RAP1GAP2: variants seen among roughly 807,000 people sequenced by gnomAD.
RAP1GAP2 encodes the protein rap1 GTPase-activating protein 2.
Under a neutral mutation model 95.0 loss-of-function variants are expected in RAP1GAP2, and 27 were observed. That is an observed-to-expected ratio of 0.28 (90% confidence interval 0.21 to 0.39). The LOEUF is 0.39. Ranked by LOEUF, RAP1GAP2 falls within the 10% of genes least tolerant of loss-of-function variation. The pLI is 1.00. For synonymous variants in RAP1GAP2, 373 were observed against 380.9 expected, an observed-to-expected ratio of 0.98 and a Z score of 0.24; for missense variants, 771 against 970.0, an observed-to-expected ratio of 0.79 and a Z score of 2.72.
intron 10 of RAP1GAP2, 32 bp from the exon 11 acceptor site, chr17:2,984,951 G>A: frequency 6.2e-7 from 1 of 1,601,588 alleles, no homozygotes; most frequent in Non-Finnish European, 8.5e-7. Flanking sequence ...TTTAACAAAT[G>A]TTGATTTTTT....
rs118151123 is a variant in RAP1GAP2 at position 2,798,243 on chromosome 17, C to T, written c.44+1672C>T. Among the ~76,000 whole-genome samples, 994 of 152,286 alleles carry T rather than the reference C, an allele frequency of 6.5e-3. 5 individuals are homozygous for T. Among genetic ancestry groups the T allele is most frequent in the Middle Eastern group, 0.014 (4 of 294 alleles). ...AGGAAGAGCCCTAGGATGTCCCAGACGCCCTTGTGTGCTGGCTCAGTGTCC... is the reference window on the plus strand; with the variant it reads ...AGGAAGAGCCCTAGGATGTCCCAGATGCCCTTGTGTGCTGGCTCAGTGTCC... On this transcript the variant is annotated intron_variant, in intron 1 of 24. Coordinates refer to ENST00000254695, the MANE Select transcript of RAP1GAP2 (RefSeq NM_015085.5).
chr17:2,812,666 A>G (rs941749623), intron 2 of RAP1GAP2, among the ~76,000 whole-genome samples: 1 of 151,912 alleles, frequency 6.6e-6, no homozygotes, highest in African/African-American at 2.4e-5. Context: ...ACTTTTCTAC[A>G]ATTTGGTTTC....
intron 1 of RAP1GAP2, among the ~76,000 whole-genome samples, chr17:2,765,203 C>G (rs548767465): frequency 1.3e-5 from 2 of 152,304 alleles, no homozygotes; most frequent in African/African-American, 4.8e-5. Context: ...ACAGATGGCT[C>G]CGCAGCCAGC....
chr17:2,887,038 A>G (rs1360879748), intron 2 of RAP1GAP2, among the ~76,000 whole-genome samples: 2 of 152,198 alleles, frequency 1.3e-5, no homozygotes, highest in Non-Finnish European at 2.9e-5. Flanking sequence ...AGTGCTAAGC[A>G]AATATTAGCT....
intron 3 of RAP1GAP2, among the ~76,000 whole-genome samples, chr17:2,907,603 G>A (rs1243696278): frequency 6.6e-6 from 1 of 152,112 alleles, no homozygotes; most frequent in East Asian, 1.9e-4. Context: ...GGTCAGGTAG[G>A]GCTTTTTGTT....
intron 1 of RAP1GAP2, among the ~76,000 whole-genome samples, chr17:2,756,035 C>T (rs536227996): frequency 6.6e-6 from 1 of 150,666 alleles, no homozygotes; most frequent in East Asian, 2.0e-4. Flanking sequence ...GGAACCCCGT[C>T]CCCCTCCCGC....
Position 2,807,318 on chromosome 17 carries a change from C to T in RAP1GAP2, c.80+6768C>T, listed in dbSNP as rs1222004870. On this transcript the variant is annotated intron_variant, in intron 2 of 24. Coordinates refer to ENST00000254695, the MANE Select transcript of RAP1GAP2 (RefSeq NM_015085.5). The stretch of plus-strand genomic sequence containing the variant: ...TAGATTACAAGAATTCTTGAGGCAC[C>T]ACTACGATGTTCTAGAACCCTCTGG... 2.0e-5 allele frequency among the ~76,000 whole-genome samples: 3 copies of T among 152,324 alleles called. No individual in the cohort carries two copies. In the East Asian group the frequency reaches 5.8e-4, roughly 29 times the overall value.
chr17:2,791,863 T>C (rs527539560), upstream of RAP1GAP2, among the ~76,000 whole-genome samples: 24 of 148,884 alleles, frequency 1.6e-4, no homozygotes, highest in African/African-American at 5.6e-4. Context: ...CTCTCTTTTT[T>C]TTTTTTTTTT....
In RAP1GAP2 at chr17:2,965,843, G is replaced by A; in HGVS notation, c.596+200G>A. The A allele has an allele frequency of 1.7e-6, 1 of 578,386 alleles. No homozygotes were observed. The highest frequency in any genetic ancestry group is 2.9e-5 in the East Asian group (1 of 34,850). The allele number at this position is 578,386 out of a possible 1,614,324, so 35.8% of individuals were successfully genotyped here. On this transcript the variant is annotated intron_variant, in intron 8 of 24. Coordinates refer to ENST00000254695, the MANE Select transcript of RAP1GAP2 (RefSeq NM_015085.5). This position sits in a 1 kb window ranked among gnomAD's most constrained non-coding sequence, Gnocchi z 4.7. Reference sequence around the variant, plus strand: ...GGAGACCCACGCGCTCCACCAGTTAGCTGACAGTCAGAGGGGCATCCAGGT... The same window carrying A: ...GGAGACCCACGCGCTCCACCAGTTAACTGACAGTCAGAGGGGCATCCAGGT...
At chr17:2,789,607 TA>T (rs546111176) in intron 1 of RAP1GAP2, among the ~76,000 whole-genome samples, 33,238 of 74,822 alleles carry the variant, frequency 0.44, 5,802 homozygotes, top group East Asian at 0.55. Flanking sequence ...CAGTCTCTAC[TA>T]AAAAAAAAAA....
intron 20 of RAP1GAP2, 32 bp downstream of exon 20, chr17:3,026,153 C>A (rs781683656): frequency 1.3e-6 from 2 of 1,537,466 alleles, no homozygotes; most frequent in Non-Finnish European, 1.8e-6. Context: ...AGGCCAGCTT[C>A]GGCCACGTGG....
intron 13 of RAP1GAP2, among the ~76,000 whole-genome samples, chr17:2,997,436 AG>A (rs1480010389): frequency 3.9e-5 from 6 of 152,158 alleles, no homozygotes; most frequent in African/African-American, 1.4e-4. Flanking sequence ...TAGTTTTCTC[AG>A]GTGGCTTCAC....
chr17:2,843,931 G>C (rs1483022099), intron 2 of RAP1GAP2, among the ~76,000 whole-genome samples: 2 of 152,146 alleles, frequency 1.3e-5, no homozygotes, highest in Non-Finnish European at 2.9e-5. Context: ...CGAGGGGTTG[G>C]GGGCGGGGGT....
intron 8 of RAP1GAP2, among the ~76,000 whole-genome samples, chr17:2,978,651 C>T (rs985184511): frequency 4.6e-5 from 7 of 151,950 alleles, no homozygotes; most frequent in East Asian, 3.9e-4. Context: ...AAATTGACTT[C>T]GGCCGGGTGC....
intron 2 of RAP1GAP2, among the ~76,000 whole-genome samples, chr17:2,810,029 C>T (rs1008798436): frequency 2.7e-5 from 4 of 148,596 alleles, no homozygotes; most frequent in Admixed American, 6.7e-5. Flanking sequence ...CTCCCCTCCC[C>T]CCGCCCCACC....
chr17:2,793,029 A>C (rs2151466601), upstream of RAP1GAP2, among the ~76,000 whole-genome samples: 1 of 152,316 alleles, frequency 6.6e-6, no homozygotes, highest in Admixed American at 6.5e-5. Context: ...AGGCGTGCCC[A>C]AGTGTGATGT....
intron 1 of RAP1GAP2, chr17:2,800,092 G>A (rs1188156697): frequency 4.4e-6 from 3 of 676,212 alleles, no homozygotes; most frequent in Non-Finnish European, 5.5e-6. Context: ...AAATATGGAT[G>A]TCCACCTGGC....
At chr17:2,907,103 C>CA (rs2042223803) in intron 3 of RAP1GAP2, among the ~76,000 whole-genome samples, 1 of 151,830 alleles carries the variant, frequency 6.6e-6, no homozygotes. Flanking sequence ...TTTTTTCCCC[C>CA]AGTAGTTCTA....
In RAP1GAP2 at chr17:3,002,155, G is replaced by A. The variant is rs1373492527; in HGVS notation, c.1201-3214G>A. Among the ~76,000 whole-genome samples, 11 of 152,210 alleles carry A rather than the reference G, an allele frequency of 7.2e-5. 1 individual carries two copies. The South Asian group carries it at 1.9e-3, about 26-fold the overall frequency. On this transcript the variant is annotated intron_variant, in intron 14 of 24. Transcript: ENST00000254695. ...TTTTTGTATTTTTGGTAGAGACGGG[G>A]TTTCACCATGTTGGCCAGACCGGCC...
Sources: allele counts gnomAD v4.1 joint callset (sites outside exome capture counted in the v4.1 genomes callset), GRCh38; gene constraint gnomAD v4.1.1; non-coding constraint Gnocchi (gnomAD v3.1); transcripts MANE v1.5; gene names NCBI Gene and HGNC (gene_info 2026-07-23, HGNC 2026-07-21).